SEPTIN9: variants seen among roughly 807,000 people sequenced by gnomAD.
The protein encoded by SEPTIN9 is septin 9.
SEPTIN9 carries 13 observed loss-of-function variants against 56.6 expected under a neutral mutation model. That is an observed-to-expected ratio of 0.23 (90% confidence interval 0.15 to 0.37). SEPTIN9 has a LOEUF of 0.37. Ranked by LOEUF, SEPTIN9 falls within the 10% of genes least tolerant of loss-of-function variation. SEPTIN9 has a pLI of 1.00. For synonymous variants in SEPTIN9, 332 were observed against 334.1 expected (o/e 0.99, Z 0.07); for missense variants, 650 against 823.1 (o/e 0.79, Z 2.57).
intron 2 of SEPTIN9, among the ~76,000 whole-genome samples, chr17:77,368,320 T>TG (rs1177043984): frequency 5.3e-5 from 8 of 151,926 alleles, no homozygotes; most frequent in South Asian, 4.2e-4. Context: ...TTTTTGTTTT[T>TG]TTTTTTTTTG....
At chr17:77,286,643 G>A (rs1316141320) in intron 1 of SEPTIN9, among the ~76,000 whole-genome samples, 1 of 152,154 alleles carries the variant, frequency 6.6e-6, no homozygotes, top group Non-Finnish European at 1.5e-5. Flanking sequence ...TGCCATCCCA[G>A]GCAGCCCTGA....
At chr17:77,298,957 G>A (rs1046671114) in intron 1 of SEPTIN9, among the ~76,000 whole-genome samples, 1 of 152,182 alleles carries the variant, frequency 6.6e-6, no homozygotes. Flanking sequence ...GGGATTACAG[G>A]CATGAGCTGC....
intron 2 of SEPTIN9, among the ~76,000 whole-genome samples, chr17:77,378,172 G>C (rs2035001788): frequency 6.6e-6 from 1 of 152,214 alleles, no homozygotes; most frequent in Non-Finnish European, 1.5e-5. Flanking sequence ...CAGTGACTGG[G>C]TGACTGCAGG....
chr17:77,373,507 C>G, intron 2 of SEPTIN9: 3 of 1,540,944 alleles, frequency 1.9e-6, no homozygotes, highest in Non-Finnish European at 2.6e-6. Flanking sequence ...CATGTCGGAC[C>G]CCGCGGTCAA....
At chr17:77,447,565 T>G (rs1273640877) in intron 3 of SEPTIN9, among the ~76,000 whole-genome samples, 1 of 152,264 alleles carries the variant, frequency 6.6e-6, no homozygotes, top group African/African-American at 2.4e-5. Context: ...TCAGTCACAG[T>G]AATTGATATC....
intron 3 of SEPTIN9, among the ~76,000 whole-genome samples, chr17:77,418,852 C>T (rs1469534628): frequency 2.6e-5 from 4 of 152,136 alleles, no homozygotes; most frequent in Non-Finnish European, 5.9e-5. Context: ...AGACCCGGTG[C>T]ATGGGGTGCT....
At chr17:77,454,366 A>G (rs2038101859) in intron 3 of SEPTIN9, 1 of 985,506 alleles carries the variant, frequency 1.0e-6, no homozygotes, top group Non-Finnish European at 1.2e-6. Flanking sequence ...CCGGACAGGT[A>G]GGGACCTGTT....
chr17:77,312,740 G>A (rs972645939), intron 2 of SEPTIN9, among the ~76,000 whole-genome samples: 4 of 152,100 alleles, frequency 2.6e-5, no homozygotes, highest in Non-Finnish European at 4.4e-5. Context: ...GCATTTCTCC[G>A]TTTGCCTCCC....
At chr17:77,368,288 A>C (rs1266270031) in intron 2 of SEPTIN9, among the ~76,000 whole-genome samples, 1 of 152,062 alleles carries the variant, frequency 6.6e-6, no homozygotes, top group Non-Finnish European at 1.5e-5. Flanking sequence ...ACTTGGTTAA[A>C]ATGGTAAATT....
intron 2 of SEPTIN9, chr17:77,320,313 A>T (rs778234883): frequency 1.9e-6 from 3 of 1,612,822 alleles, no homozygotes; most frequent in African/African-American, 2.7e-5. Flanking sequence ...CCGCTGCTAA[A>T]TATATCCGTA....
intron 2 of SEPTIN9, among the ~76,000 whole-genome samples, chr17:77,368,493 G>C (rs1185224143): frequency 6.6e-6 from 1 of 152,078 alleles, no homozygotes; most frequent in Non-Finnish European, 1.5e-5. Context: ...TGTATTTTTA[G>C]TAGAGACAGG....
chr17:77,352,372 A>T (rs1355945582), intron 2 of SEPTIN9, among the ~76,000 whole-genome samples: 1 of 151,808 alleles, frequency 6.6e-6, no homozygotes, highest in Non-Finnish European at 1.5e-5. Context: ...GCGCCATTGC[A>T]CTCCAGCCTG....
chr17:77,308,556 T>G (rs1315688661), intron 2 of SEPTIN9, among the ~76,000 whole-genome samples: 1 of 152,280 alleles, frequency 6.6e-6, no homozygotes, highest in Non-Finnish European at 1.5e-5. Context: ...TACGTTTACT[T>G]TATTCACTCA....
chr17:77,382,552 G>A (rs753692440), intron 2 of SEPTIN9, among the ~76,000 whole-genome samples: 44 of 152,212 alleles, frequency 2.9e-4, no homozygotes, highest in Non-Finnish European at 4.7e-4. Flanking sequence ...CTCCTCCCCA[G>A]GAGGCCTGGA....
chr17:77,452,173 T>C (rs2038001745), intron 3 of SEPTIN9, among the ~76,000 whole-genome samples: 1 of 152,218 alleles, frequency 6.6e-6, no homozygotes, highest in African/African-American at 2.4e-5. Flanking sequence ...TGTGCTTTGC[T>C]TCTCTACAAT....
At chr17:77,351,433 A>G (rs1195010617) in intron 2 of SEPTIN9, among the ~76,000 whole-genome samples, 1 of 152,110 alleles carries the variant, frequency 6.6e-6, no homozygotes, top group Non-Finnish European at 1.5e-5. Flanking sequence ...AGAAGAGCAA[A>G]TTTTGCCTAT....
chr17:77,370,595 T>G (rs186336269), intron 2 of SEPTIN9, among the ~76,000 whole-genome samples: 1 of 152,384 alleles, frequency 6.6e-6, no homozygotes, highest in East Asian at 1.9e-4. Context: ...TGGCCAGGCC[T>G]GCAGTCGGTC....
Position 77,317,197 on chromosome 17 carries a change from C to T in SEPTIN9, c.76+10000C>T, listed in dbSNP as rs1292393661. Among the ~76,000 whole-genome samples, 1 of 152,208 alleles carries T rather than the reference C, an allele frequency of 6.6e-6. No homozygotes were observed. Among genetic ancestry groups the T allele is most frequent in the Non-Finnish European group, 1.5e-5 (1 of 68,040 alleles). On this transcript the variant is annotated intron_variant, in intron 2 of 11. Coordinates refer to ENST00000427177, the MANE Select transcript of SEPTIN9 (RefSeq NM_001113491.2). This position sits in a 1 kb window ranked among gnomAD's most constrained non-coding sequence, Gnocchi z 4.2. ...CTGGCTGGGTCACAACAACGCCCAG[C>T]CATCCTCTCACAGCTCTGCAGGCCA...
rs117004255 is a variant in SEPTIN9, at chr17:77,462,642, T to C, written c.722-19502T>C. ...TTTTTAAATTTGTTTGTTGCTTGTT[T>C]TGAGCAGTTTTTTTGTTTATTTCTT... is the stretch of plus-strand genomic sequence containing the variant. On this transcript the variant is annotated intron_variant, in intron 3 of 11. Transcript: ENST00000427177. Among the ~76,000 whole-genome samples the C allele has an allele frequency of 3.8e-3, 574 of 152,052 alleles. 2 individuals are homozygous for C. Among genetic ancestry groups the C allele is most frequent in the Non-Finnish European group, 5.1e-3 (350 of 67,986 alleles).
Sources: gnomAD v4.1 joint callset for allele counts (sites outside exome capture counted in the v4.1 genomes callset) on GRCh38, gnomAD v4.1.1 for gene constraint, Gnocchi (gnomAD v3.1) non-coding constraint, MANE v1.5 for transcripts, NCBI Gene and HGNC (gene_info 2026-07-23, HGNC 2026-07-21) for gene names.